The following CCDC102B variants were observed in gnomAD, a reference collection of about 807,000 sequenced individuals.
The protein encoded by CCDC102B is coiled-coil domain containing 102B, also known as coiled-coil domain-containing protein 102B.
A neutral mutation model predicts 57.4 loss-of-function variants in CCDC102B; 75 were observed. The observed-to-expected ratio is 1.31, with a 90% CI of 1.08 to 1.58. The LOEUF is 1.58. Ranked by LOEUF, CCDC102B falls within the 40% of genes most tolerant of loss-of-function variation. CCDC102B has a pLI of 0.00. For missense variants in CCDC102B, 636 were observed against 582.6 expected, an observed-to-expected ratio of 1.09 and a Z score of -0.94; for synonymous variants, 206 against 201.9, an observed-to-expected ratio of 1.02 and a Z score of -0.17.
chr18:68,978,199 A>G (rs113126460), intron 6 of CCDC102B, among the ~76,000 whole-genome samples: 29 of 152,166 alleles, frequency 1.9e-4, no homozygotes, highest in African/African-American at 6.7e-4. Flanking sequence ...GGGAGATGAT[A>G]ACCTTACTGG....
intron 5 of CCDC102B, among the ~76,000 whole-genome samples, chr18:68,882,895 C>A (rs1568309412): frequency 1.3e-5 from 2 of 152,050 alleles, no homozygotes; most frequent in Non-Finnish European, 2.9e-5. Flanking sequence ...GAACAGAAAA[C>A]CAAATACTGC....
At chr18:68,733,932 G>A (rs905570186) in intron 2 of CCDC102B, among the ~76,000 whole-genome samples, 9 of 152,088 alleles carry the variant, frequency 5.9e-5, no homozygotes, top group Non-Finnish European at 1.2e-4. Context: ...CAACTGCCTC[G>A]ACTCACATGT....
At position 68,838,769 on chromosome 18, in the gene CCDC102B, G is replaced by A; in HGVS notation, c.670G>A (p.Val224Ile). The A allele has an allele frequency of 6.2e-7, 1 of 1,614,018 alleles. No homozygotes were observed. Among genetic ancestry groups the A allele is most frequent in the Admixed American group, 1.7e-5 (1 of 60,010 alleles). Residue 224 changes from valine (V) to isoleucine (I), a missense_variant, in exon 3 of 8, where the codon GTT becomes ATT. Val to Ile is a conservative substitution (Grantham distance 29, BLOSUM62 3). Coordinates refer to ENST00000360242, the MANE Select transcript of CCDC102B (RefSeq NM_024781.3). The part of the protein sequence containing the change: ...SEEMKPNLDG[V>I]DLFNNGGSGN... ...GGAGATGAAGCCCAATCTAGATGGT[G>A]TTGATTTATTCAACAATGGTGGTTC...
intron 5 of CCDC102B, among the ~76,000 whole-genome samples, chr18:68,892,696 CA>C (rs1368948858): frequency 6.6e-6 from 1 of 152,056 alleles, no homozygotes; most frequent in African/African-American, 2.4e-5. Flanking sequence ...GTATTGATTA[CA>C]AAAAATTACT....
chr18:69,040,244 G>T (rs930063812), intron 7 of CCDC102B, among the ~76,000 whole-genome samples: 1 of 151,762 alleles, frequency 6.6e-6, no homozygotes, highest in Non-Finnish European at 1.5e-5. Flanking sequence ...TTTCATTATC[G>T]CTACTAAACC....
At chr18:69,040,672 A>G (rs1337152236) in intron 7 of CCDC102B, among the ~76,000 whole-genome samples, 1 of 152,024 alleles carries the variant, frequency 6.6e-6, no homozygotes, top group African/African-American at 2.4e-5. Context: ...AGTATGTTTG[A>G]TAAGCAGGGT....
At chr18:68,740,682 G>A (rs1162745277) in intron 2 of CCDC102B, among the ~76,000 whole-genome samples, 1 of 152,164 alleles carries the variant, frequency 6.6e-6, no homozygotes, top group Non-Finnish European at 1.5e-5. Context: ...GTAACCCAGT[G>A]CTGCCTCGGA....
chr18:68,783,299 T>G (rs1225313894), intron 2 of CCDC102B, among the ~76,000 whole-genome samples: 1 of 152,184 alleles, frequency 6.6e-6, no homozygotes, highest in African/African-American at 2.4e-5. Context: ...GCCTCTTTCC[T>G]TTATTTTTTA....
intron 6 of CCDC102B, among the ~76,000 whole-genome samples, chr18:68,900,918 TC>T (rs2145032515): frequency 6.6e-6 from 1 of 152,274 alleles, no homozygotes; most frequent in East Asian, 1.9e-4. Context: ...GACCGGCTCT[TC>T]CATGTGGGTG....
At chr18:68,930,215 A>C (rs1460842188) in intron 6 of CCDC102B, among the ~76,000 whole-genome samples, 1 of 148,548 alleles carries the variant, frequency 6.7e-6, no homozygotes, top group Admixed American at 6.8e-5. Context: ...TAGTTTATAC[A>C]TTATATAATT....
At chr18:68,913,621 C>T (rs1466864423) in intron 6 of CCDC102B, among the ~76,000 whole-genome samples, 1 of 150,014 alleles carries the variant, frequency 6.7e-6, no homozygotes, top group East Asian at 2.0e-4. Context: ...TGCTACTGCA[C>T]TCCAGCCTGG....
At position 68,867,006 on chromosome 18, in the gene CCDC102B, C is replaced by G. The variant is rs143520987; in HGVS notation, c.937-7663C>G. ...ATCTTGGTTCTTACTGTGTTGTGGT[C>G]TGTAGGGCTGGCAGCCATGTGAAGA... On this transcript the variant is annotated intron_variant, in intron 4 of 7. Coordinates refer to ENST00000360242, the MANE Select transcript of CCDC102B (RefSeq NM_024781.3). 49 of 305,018 alleles carry G rather than the reference C, an allele frequency of 1.6e-4. No homozygotes were observed. In the East Asian group the frequency reaches 3.7e-3, roughly 23 times the overall value. The allele number at this position is 305,018 out of a possible 1,614,324, so 18.9% of individuals were successfully genotyped here.
At chr18:68,716,477 A>C (rs1429594176) in intron 1 of CCDC102B, 11 of 152,208 alleles carry the variant, frequency 7.2e-5, no homozygotes, top group African/African-American at 2.4e-5. Flanking sequence ...GAGCTTTTGA[A>C]ATGTGCCTAG....
At chr18:68,786,846 C>T (rs1245346852) in intron 2 of CCDC102B, among the ~76,000 whole-genome samples, 1 of 152,014 alleles carries the variant, frequency 6.6e-6, no homozygotes. Context: ...TTGCCCTGGC[C>T]AGAACTTCCA....
intron 1 of CCDC102B, among the ~76,000 whole-genome samples, chr18:68,823,676 G>A (rs1239185838): frequency 6.6e-6 from 1 of 152,150 alleles, no homozygotes; most frequent in Non-Finnish European, 1.5e-5. Context: ...CCCAGCAATA[G>A]TGTATAAGCA....
At position 69,054,527 on chromosome 18, in the gene CCDC102B, T is replaced by G; in HGVS notation, c.*390T>G. 1 of 992,170 alleles carries G rather than the reference T, an allele frequency of 1.0e-6. No homozygotes were observed. The highest frequency in any genetic ancestry group is 1.2e-6 in the Non-Finnish European group (1 of 834,820). 61.5% of individuals were successfully genotyped at this position (992,170 alleles called of 1,614,324 possible). ...TGACTTTAAGTATAAAGTACTGGTT[T>G]GTTTAAATAATTGGTAAACTTTTAT... On this transcript the variant is annotated 3_prime_UTR_variant, in exon 8 of 8. Transcript: ENST00000360242.
intron 6 of CCDC102B, among the ~76,000 whole-genome samples, chr18:68,922,688 G>A (rs561369188): frequency 1.4e-4 from 22 of 152,044 alleles, no homozygotes; most frequent in South Asian, 4.2e-4. Context: ...TAGTTGTTGC[G>A]GTTTCTTCTC....
intron 2 of CCDC102B, among the ~76,000 whole-genome samples, chr18:68,741,667 TCACACACACACACACACACACACA>T (rs60407642): frequency 3.6e-5 from 5 of 140,288 alleles, no homozygotes; most frequent in Admixed American, 1.5e-4. Flanking sequence ...TGAAGACTGG[TCACACACACACACACACACACACA>T]CACACACACA....
Position 68,787,575 on chromosome 18 carries a change from G to A in CCDC102B, c.-66-35791G>A, listed in dbSNP as rs866970805. Among the ~76,000 whole-genome samples, 910 of 151,702 alleles carry A rather than the reference G, an allele frequency of 6.0e-3. 8 individuals carry two copies. The highest frequency in any genetic ancestry group is 0.021 in the African/African-American group (864 of 41,166). ...GTCTTGGGAGAGTGTATATGTCGAG[G>A]AATTTATCCATTTCTTCTAGATTTT... On this transcript the variant is annotated intron_variant, in intron 2 of 3. Coordinates refer to the CCDC102B transcript ENST00000578970.
Sources: allele counts gnomAD v4.1 joint callset (sites outside exome capture counted in the v4.1 genomes callset), GRCh38; gene constraint gnomAD v4.1.1; transcripts MANE v1.5; gene names NCBI Gene and HGNC (gene_info 2026-07-23, HGNC 2026-07-21).